Variants in MAML3 observed in about 807,000 individuals in gnomAD.
The protein encoded by MAML3 is mastermind-like protein 3.
Under a neutral mutation model 101.9 loss-of-function variants are expected in MAML3, and 27 were observed. The ratio of observed to expected loss-of-function variants is 0.27; its 90% CI spans 0.20 to 0.37. The LOEUF (loss-of-function observed/expected upper bound fraction) is 0.37. Among genes scored for constraint, MAML3 ranks in the 10% least tolerant of loss-of-function variants. The pLI is 1.00. For missense variants in MAML3, 1,316 were observed against 1,444.9 expected, an observed-to-expected ratio of 0.91 and a Z score of 1.45; for synonymous variants, 501 against 555.9, an observed-to-expected ratio of 0.90 and a Z score of 1.39.
At chr4:139,908,169 G>C (rs565950656) in intron 1 of MAML3, among the ~76,000 whole-genome samples, 40 of 152,320 alleles carry the variant, frequency 2.6e-4, no homozygotes, top group African/African-American at 9.4e-4. Context: ...TGTATAATCT[G>C]TCTAGGTTTA....
intron 1 of MAML3, among the ~76,000 whole-genome samples, chr4:139,896,607 G>GGTGTGTGTGTGTGTGT (rs113274639): frequency 0.015 from 2,218 of 144,700 alleles, 65 homozygotes; most frequent in African/African-American, 0.053. Context: ...CTGTGAAACT[G>GGTGTGTGTGTGTGTGT]GTGTGTGTGT....
chr4:140,052,919 AAGTG>A (rs1185434108), intron 1 of MAML3, among the ~76,000 whole-genome samples: 1 of 152,194 alleles, frequency 6.6e-6, no homozygotes, highest in Non-Finnish European at 1.5e-5. Flanking sequence ...CTAACAGGGA[AAGTG>A]AGTAAGTGGT....
intron 1 of MAML3, among the ~76,000 whole-genome samples, chr4:139,945,474 C>G (rs146321711): frequency 1.3e-3 from 198 of 152,314 alleles, no homozygotes; most frequent in Non-Finnish European, 2.6e-3. Context: ...GCCAATACCT[C>G]TTTTCAAATA....
intron 2 of MAML3, among the ~76,000 whole-genome samples, chr4:139,774,763 A>G (rs1465405655): frequency 6.6e-6 from 1 of 152,232 alleles, no homozygotes; most frequent in African/African-American, 2.4e-5. Context: ...ACCATGATAA[A>G]AGAATTTACT....
chr4:140,025,316 G>C (rs921262459), intron 1 of MAML3, among the ~76,000 whole-genome samples: 1 of 152,146 alleles, frequency 6.6e-6, no homozygotes, highest in Admixed American at 6.5e-5. Flanking sequence ...ACACATCTGA[G>C]ATTTTTACTT....
chr4:140,011,138 CACAT>C (rs1560865759), intron 1 of MAML3, among the ~76,000 whole-genome samples: 6 of 112,822 alleles, frequency 5.3e-5, no homozygotes, highest in Admixed American at 1.1e-4. Flanking sequence ...TATATATATA[CACAT>C]ATGTCATATA....
intron 1 of MAML3, among the ~76,000 whole-genome samples, chr4:139,978,933 TACTTTCAAAGAGCTCTATGA>T (rs1734396292): frequency 3.2e-5 from 1 of 30,850 alleles, no homozygotes; most frequent in Non-Finnish European, 9.7e-5. Context: ...GCTCTATGAC[TACTTTCAAAGAGCTCTATGA>T]CTACTTTCAA....
At chr4:140,069,851 C>T (rs568111480) in intron 1 of MAML3, among the ~76,000 whole-genome samples, 1 of 151,872 alleles carries the variant, frequency 6.6e-6, no homozygotes, top group Admixed American at 6.6e-5. Context: ...CATGGTGGCT[C>T]ACGCCTGTAA....
intron 1 of MAML3, among the ~76,000 whole-genome samples, chr4:139,905,761 C>T (rs1351317180): frequency 6.6e-6 from 1 of 152,166 alleles, no homozygotes. Context: ...CCTCTGTCAG[C>T]ACTCATTCCT....
chr4:140,027,357 C>A (rs1219042817), intron 1 of MAML3, among the ~76,000 whole-genome samples: 3 of 152,206 alleles, frequency 2.0e-5, no homozygotes, highest in Non-Finnish European at 4.4e-5. Flanking sequence ...ACTTCTAATG[C>A]AGCACTTCCT....
In MAML3 at chr4:139,818,023, G is replaced by T. The variant is rs1426379388; in HGVS notation, c.2079+71334C>A. On this transcript the variant is annotated intron_variant, in intron 2 of 4. Transcript: ENST00000509479. ...TCTATCACAATTGCCTGGTGGGTTT[G>T]TTAAAATGCCACAATACTGGGCACC... Among the ~76,000 whole-genome samples the T allele has an allele frequency of 2.0e-5, 3 of 152,206 alleles. 1 individual carries two copies. In the South Asian group the frequency reaches 6.2e-4, roughly 31 times the overall value.
intron 1 of MAML3, among the ~76,000 whole-genome samples, chr4:140,042,829 T>C (rs1727110014): frequency 6.6e-6 from 1 of 152,094 alleles, no homozygotes; most frequent in East Asian, 1.9e-4. Context: ...CCTGGCAACA[T>C]TCCAACCCGG....
chr4:140,153,460 G>T lies in MAML3; in HGVS notation c.-133C>A. On this transcript the variant is annotated 5_prime_UTR_variant, in exon 1 of 5. Coordinates refer to ENST00000509479, the MANE Select transcript of MAML3 (RefSeq NM_018717.5). Reference sequence around the variant, plus strand: ...ACGCAAGCACATGGATGGAAACGGCGATCCCGACGGGGCGAAAAAAACGGG... The same window carrying T: ...ACGCAAGCACATGGATGGAAACGGCTATCCCGACGGGGCGAAAAAAACGGG... 1 of 984,232 alleles carries T rather than the reference G, an allele frequency of 1.0e-6. No homozygotes were observed. The allele number at this position is 984,232 out of a possible 1,614,324, so 61.0% of individuals were successfully genotyped here.
chr4:140,151,269 G>T (rs1254842318), intron 1 of MAML3, among the ~76,000 whole-genome samples: 2 of 151,946 alleles, frequency 1.3e-5, no homozygotes, highest in Non-Finnish European at 2.9e-5. Flanking sequence ...GACTGGGCAG[G>T]ATCGCGCCGA....
At chr4:140,081,778 T>C (rs1727865204) in intron 1 of MAML3, among the ~76,000 whole-genome samples, 1 of 152,206 alleles carries the variant, frequency 6.6e-6, no homozygotes, top group African/African-American at 2.4e-5. Flanking sequence ...CCGTCTAGGC[T>C]GCCCGTAGAT....
intron 1 of MAML3, among the ~76,000 whole-genome samples, chr4:140,123,767 T>C (rs1322487638): frequency 6.6e-6 from 1 of 152,204 alleles, no homozygotes; most frequent in Non-Finnish European, 1.5e-5. Flanking sequence ...TCTTTTTGTG[T>C]AGGCAGGTGC....
intron 2 of MAML3, among the ~76,000 whole-genome samples, chr4:139,754,195 T>C (rs1160769429): frequency 2.0e-5 from 3 of 152,198 alleles, no homozygotes; most frequent in Admixed American, 2.0e-4. Flanking sequence ...CAAAGGTGTA[T>C]TAGGGAGGTC....
intron 1 of MAML3, among the ~76,000 whole-genome samples, chr4:140,106,194 T>C (rs2111004739): frequency 6.6e-6 from 1 of 152,158 alleles, no homozygotes; most frequent in African/African-American, 2.4e-5. Context: ...AAATTAATTT[T>C]CCATTTCCTG....
chr4:139,907,124 C>T (rs1732835482), intron 1 of MAML3, among the ~76,000 whole-genome samples: 1 of 152,086 alleles, frequency 6.6e-6, no homozygotes, highest in South Asian at 2.1e-4. Flanking sequence ...TTAAAAATAC[C>T]CTGAGTGTAC....
Sources: allele counts gnomAD v4.1 joint callset (sites outside exome capture counted in the v4.1 genomes callset), GRCh38; gene constraint gnomAD v4.1.1; transcripts MANE v1.5; gene names NCBI Gene and HGNC (gene_info 2026-07-23, HGNC 2026-07-21).